PARD3B: variants seen among roughly 807,000 people sequenced by gnomAD.
PARD3B encodes the protein par-3 family cell polarity regulator beta.
A neutral mutation model predicts 130.2 loss-of-function variants in PARD3B; 103 were observed. The observed-to-expected ratio is 0.79, with a 90% CI of 0.67 to 0.93. PARD3B has a LOEUF of 0.93. Among genes scored for constraint, PARD3B ranks in the 40% least tolerant of loss-of-function variants. PARD3B has a pLI of 0.00. For missense variants in PARD3B, 1,609 were observed against 1,499.2 expected, an observed-to-expected ratio of 1.07 and a Z score of -1.21; for synonymous variants, 583 against 553.2, an observed-to-expected ratio of 1.05 and a Z score of -0.76.
chr2:205,100,095 T>C (rs992876364), intron 4 of PARD3B, among the ~76,000 whole-genome samples: 2 of 152,162 alleles, frequency 1.3e-5, no homozygotes, highest in African/African-American at 4.8e-5. Context: ...ATGAATAGAA[T>C]CTTTACTTGC....
chr2:204,708,574 A>G (rs1351959523), intron 2 of PARD3B, among the ~76,000 whole-genome samples: 2 of 152,176 alleles, frequency 1.3e-5, no homozygotes, highest in African/African-American at 4.8e-5. Context: ...CCTGTACAAA[A>G]TTCTCCTAAA....
chr2:204,772,147 G>A (rs12467431), intron 2 of PARD3B, among the ~76,000 whole-genome samples: 89,934 of 151,952 alleles, frequency 0.59, 29,975 homozygotes, highest in South Asian at 0.74. Flanking sequence ...GCTTACAACA[G>A]TAGTTATTAA....
At chr2:205,065,080 GAGGTTAT>G (rs368152010) in intron 4 of PARD3B, among the ~76,000 whole-genome samples, 4 of 152,202 alleles carry the variant, frequency 2.6e-5, no homozygotes, top group African/African-American at 9.6e-5. Context: ...GGAGTGAATA[GAGGTTAT>G]AAAGAAAGGC....
chr2:205,453,608 A>G (rs2048176298), intron 20 of PARD3B, among the ~76,000 whole-genome samples: 1 of 152,162 alleles, frequency 6.6e-6, no homozygotes, highest in Non-Finnish European at 1.5e-5. Flanking sequence ...CGGCAGAGCT[A>G]AGGTTTCAAC....
intron 22 of PARD3B, among the ~76,000 whole-genome samples, chr2:205,583,220 G>T (rs2054059777): frequency 6.6e-6 from 1 of 152,220 alleles, no homozygotes. Flanking sequence ...TTATCAGCTT[G>T]AAAGTCTGCT....
At chr2:205,185,196 T>A (rs2036024246) in intron 13 of PARD3B, among the ~76,000 whole-genome samples, 1 of 152,106 alleles carries the variant, frequency 6.6e-6, no homozygotes, top group Non-Finnish European at 1.5e-5. Flanking sequence ...CTTTTCCTTA[T>A]AAGGCCTTAA....
intron 22 of PARD3B, among the ~76,000 whole-genome samples, chr2:205,610,440 C>A (rs1301532069): frequency 1.3e-5 from 2 of 152,160 alleles, no homozygotes; most frequent in African/African-American, 4.8e-5. Flanking sequence ...GCTGTACCAT[C>A]ATAAAAATAG....
chr2:204,781,008 C>T (rs1355471777), intron 2 of PARD3B, among the ~76,000 whole-genome samples: 1 of 152,068 alleles, frequency 6.6e-6, no homozygotes, highest in Non-Finnish European at 1.5e-5. Context: ...TTGCATATCA[C>T]ATCATTCAGA....
At chr2:205,507,603 A>G (rs1464689626) in intron 21 of PARD3B, among the ~76,000 whole-genome samples, 3 of 152,240 alleles carry the variant, frequency 2.0e-5, no homozygotes, top group African/African-American at 4.8e-5. Context: ...ATAAATAAGG[A>G]TAGGTGAAGA....
intron 1 of PARD3B, among the ~76,000 whole-genome samples, chr2:204,626,546 T>G (rs950889697): frequency 6.9e-6 from 1 of 145,622 alleles, no homozygotes; most frequent in Non-Finnish European, 1.5e-5. Flanking sequence ...TGATTTCAAG[T>G]TTTTTTTTTT....
chr2:204,712,267 G>A (rs1008732318), intron 2 of PARD3B, among the ~76,000 whole-genome samples: 4 of 152,104 alleles, frequency 2.6e-5, no homozygotes, highest in African/African-American at 7.2e-5. Flanking sequence ...GGACTTTACT[G>A]CTTCATCAGA....
chr2:204,848,360 A>T (rs2044554352), intron 2 of PARD3B, among the ~76,000 whole-genome samples: 1 of 152,098 alleles, frequency 6.6e-6, no homozygotes, highest in African/African-American at 2.4e-5. Flanking sequence ...TTTTAATTTG[A>T]CAATTATTAT....
chr2:204,826,155 G>C (rs1291580338), intron 2 of PARD3B, among the ~76,000 whole-genome samples: 1 of 152,128 alleles, frequency 6.6e-6, no homozygotes, highest in Non-Finnish European at 1.5e-5. Context: ...TAATAACCTT[G>C]AAAAGTATTA....
chr2:204,681,124 C>T (rs1318639350), intron 1 of PARD3B, among the ~76,000 whole-genome samples: 1 of 152,058 alleles, frequency 6.6e-6, no homozygotes, highest in Non-Finnish European at 1.5e-5. Flanking sequence ...ACACATTTAA[C>T]ATTGTTATCT....
chr2:205,599,992 G>C (rs1381722696), intron 22 of PARD3B, among the ~76,000 whole-genome samples: 1 of 152,184 alleles, frequency 6.6e-6, no homozygotes, highest in Non-Finnish European at 1.5e-5. Flanking sequence ...TAAGCAACTG[G>C]CTATAGAATT....
At chr2:204,700,899 T>G (rs892455942) in intron 2 of PARD3B, among the ~76,000 whole-genome samples, 7 of 152,024 alleles carry the variant, frequency 4.6e-5, no homozygotes, top group African/African-American at 1.7e-4. Context: ...ACTAAAAAAG[T>G]TAGTACTTGT....
chr2:204,999,663 A>C (rs1299809349), intron 3 of PARD3B, among the ~76,000 whole-genome samples: 1 of 152,190 alleles, frequency 6.6e-6, no homozygotes, highest in Non-Finnish European at 1.5e-5. Flanking sequence ...TGGTCTTCTT[A>C]ATTGCTATAA....
In PARD3B at chr2:205,158,707, G is replaced by C. The variant is rs188704029; in HGVS notation, c.1435-15G>C. 1.2e-6 allele frequency: 2 copies of C among 1,600,104 alleles called. No homozygotes were observed. The highest frequency in any genetic ancestry group is 8.5e-7 in the Non-Finnish European group (1 of 1,171,946). The stretch of plus-strand genomic sequence containing the variant: ...TTTCTTCTCTTCACTCTTTTCATGT[G>C]TATTCCCCTAACAGAAAGGAGAACC... On this transcript the variant is annotated splice_polypyrimidine_tract_variant and intron_variant, in intron 10 of 22. Transcript: ENST00000406610. This position sits in a 1 kb window ranked among gnomAD's most constrained non-coding sequence, Gnocchi z 5.4.
At chr2:205,387,255 C>T (rs2045693711) in intron 18 of PARD3B, among the ~76,000 whole-genome samples, 1 of 152,136 alleles carries the variant, frequency 6.6e-6, no homozygotes, top group Admixed American at 6.6e-5. Flanking sequence ...TTTGGAATTA[C>T]TATTCATGAA....
Sources: gnomAD v4.1 joint callset for allele counts (sites outside exome capture counted in the v4.1 genomes callset) on GRCh38, gnomAD v4.1.1 for gene constraint, Gnocchi (gnomAD v3.1) non-coding constraint, MANE v1.5 for transcripts, NCBI Gene and HGNC (gene_info 2026-07-23, HGNC 2026-07-21) for gene names.